The following SIGLEC15 variants were observed in gnomAD, a reference collection of about 807,000 sequenced individuals.
SIGLEC15 encodes sialic acid-binding Ig-like lectin 15.
SIGLEC15 carries 31 observed loss-of-function variants against 26.2 expected under a neutral mutation model. The ratio of observed to expected loss-of-function variants is 1.18; its 90% CI spans 0.89 to 1.60. The LOEUF (loss-of-function observed/expected upper bound fraction) is 1.60, where lower values mean the gene tolerates loss of function less well. Among genes scored for constraint, SIGLEC15 ranks in the 40% most tolerant of loss-of-function variants. The pLI is 0.00. For synonymous variants in SIGLEC15, 207 were observed against 221.9 expected (o/e 0.93, Z 0.60); for missense variants, 501 against 488.4 (o/e 1.03, Z -0.24).
intron 1 of SIGLEC15, among the ~76,000 whole-genome samples, chr18:45,826,781 T>G (rs1241590044): frequency 6.6e-6 from 1 of 152,218 alleles, no homozygotes; most frequent in Non-Finnish European, 1.5e-5. Flanking sequence ...CCATCTGGCG[T>G]GTACTCAGAC....
chr18:45,833,706 T>C (rs1034812006), intron 1 of SIGLEC15, among the ~76,000 whole-genome samples: 1 of 152,350 alleles, frequency 6.6e-6, no homozygotes, highest in Non-Finnish European at 1.5e-5. Flanking sequence ...AAAAAGAGTT[T>C]ACTGCTGTCA....
In SIGLEC15 at chr18:45,842,088, A is replaced by G; in HGVS notation, c.906-18A>G. 1.9e-6 allele frequency: 3 copies of G among 1,613,490 alleles called. 1 individual carries two copies. The highest frequency in any genetic ancestry group is 3.3e-4 in the Middle Eastern group (2 of 6,018). On this transcript the variant is annotated intron_variant, in intron 5 of 5. Transcript: ENST00000389474. The stretch of plus-strand genomic sequence containing the variant: ...TCCCACCTGTTTGGATGATCATTCA[A>G]CTTTCTCCTGTCCACAGGTCCCAGG...
chr18:45,825,907 G>C (rs1043606987), intron 1 of SIGLEC15, 127 bp downstream of exon 1: 1 of 1,123,832 alleles, frequency 8.9e-7, no homozygotes, highest in African/African-American at 1.5e-5. Flanking sequence ...GGAGGAGGAA[G>C]AGCTGCGCTT....
intron 1 of SIGLEC15, among the ~76,000 whole-genome samples, chr18:45,836,202 T>C (rs2048274953): frequency 6.6e-6 from 1 of 152,148 alleles, no homozygotes; most frequent in Admixed American, 6.5e-5. Context: ...AGAAAAGTCA[T>C]ATTTCTCCCA....
intron 4 of SIGLEC15, among the ~76,000 whole-genome samples, chr18:45,839,779 CTG>C (rs2048309247): frequency 6.6e-6 from 1 of 152,222 alleles, no homozygotes; most frequent in African/African-American, 2.4e-5. Context: ...GCCACTCCTG[CTG>C]TCTCTGATCT....
At chr18:45,828,132 C>G (rs1381303145) in intron 1 of SIGLEC15, among the ~76,000 whole-genome samples, 1 of 152,152 alleles carries the variant, frequency 6.6e-6, no homozygotes, top group Non-Finnish European at 1.5e-5. Flanking sequence ...GCAGGAGGCC[C>G]GAGGAGCAGG....
chr18:45,830,583 C>CTTTTTTTTTTTTTTTTT (rs56404391), intron 1 of SIGLEC15, among the ~76,000 whole-genome samples: 2 of 96,702 alleles, frequency 2.1e-5, no homozygotes, highest in East Asian at 3.6e-4. Context: ...ATTTTTCTTT[C>CTTTTTTTTTTTTTTTTT]TTTTTTTTTT....
intron 1 of SIGLEC15, among the ~76,000 whole-genome samples, chr18:45,828,038 C>T (rs1022853443): frequency 4.6e-5 from 7 of 152,210 alleles, no homozygotes; most frequent in African/African-American, 1.4e-4. Context: ...TCCAGGCCCC[C>T]ACTTCCTGAC....
rs1403825028 is a variant in SIGLEC15, at chr18:45,837,906, C to T, written c.496+10C>T. The T allele has an allele frequency of 2.0e-6, 3 of 1,490,822 alleles. No homozygotes were observed. Among genetic ancestry groups the T allele is most frequent in the East Asian group, 5.6e-5 (2 of 35,476 alleles). 92.3% of individuals were successfully genotyped at this position (1,490,822 alleles called of 1,614,324 possible). A position where few individuals can be genotyped will look rare whatever the true frequency, so the allele number is the denominator to read the frequency against. ...CGGCTGCACGTGACAGGCGAGGCGG[C>T]GTGGGAGCGGGTCCCCGGCCTCCCT... On this transcript the variant is annotated intron_variant, in intron 3 of 5. Transcript: ENST00000389474.
At position 45,839,026 on chromosome 18, in the gene SIGLEC15, G is replaced by C. The variant is rs775631888; in HGVS notation, c.805G>C (p.Gly269Arg). 2.5e-6 allele frequency: 4 copies of C among 1,575,468 alleles called. No individual in the cohort carries two copies. Among genetic ancestry groups the C allele is most frequent in the South Asian group, 1.1e-5 (1 of 87,542 alleles). Residue 269 changes from glycine to arginine, a missense_variant, in exon 4 of 6, where the codon GGC becomes CGC. Coordinates refer to ENST00000389474, the MANE Select transcript of SIGLEC15 (RefSeq NM_213602.3). The stretch of plus-strand genomic sequence containing the variant: ...GGCCTCGACGGTCGCCCTCCTGCTC[G>C]GCGCTCTCGGCTTCAAGGCGCTGCT... ...SGASTVALLL[G>R]ALGFKALLLL... is the part of the protein sequence containing the mutation.
intron 1 of SIGLEC15, 51 bp downstream of exon 1, chr18:45,825,831 G>T: frequency 6.3e-7 from 1 of 1,593,878 alleles, no homozygotes; most frequent in African/African-American, 1.3e-5. Flanking sequence ...AATAGATGCT[G>T]AAAGCATCTT....
In SIGLEC15 at chr18:45,839,106, C is replaced by G; in HGVS notation, c.874+11C>G. 7 of 1,378,896 alleles carry G rather than the reference C, an allele frequency of 5.1e-6. No individual in the cohort carries two copies. The highest frequency in any genetic ancestry group is 5.6e-6 in the Non-Finnish European group (6 of 1,077,364). The allele number at this position is 1,378,896 out of a possible 1,614,324, so 85.4% of individuals were successfully genotyped here. ...CCCGCCGCCGCCCAGGTGGGTGCGC[C>G]CCAGACACGGGTGGCCGCGAGGGGC... On this transcript the variant is annotated intron_variant, in intron 4 of 5. Coordinates refer to ENST00000389474, the MANE Select transcript of SIGLEC15 (RefSeq NM_213602.3).
intron 2 of SIGLEC15, 148 bp from the exon 3 acceptor site, chr18:45,837,365 C>G: frequency 8.0e-7 from 1 of 1,257,550 alleles, no homozygotes; most frequent in Non-Finnish European, 1.0e-6. Context: ...GTTCCGGCTC[C>G]CCTGGAAGTG....
intron 5 of SIGLEC15, among the ~76,000 whole-genome samples, chr18:45,841,268 G>A (rs2048322579): frequency 6.6e-6 from 1 of 152,054 alleles, no homozygotes; most frequent in Non-Finnish European, 1.5e-5. Flanking sequence ...TAGGAGCGGT[G>A]GAGTTCCAGA....
chr18:45,833,743 T>C (rs1289015297), intron 1 of SIGLEC15, among the ~76,000 whole-genome samples: 2 of 152,198 alleles, frequency 1.3e-5, no homozygotes, highest in African/African-American at 4.8e-5. Flanking sequence ...TGTTAGTTCA[T>C]AAACTAAAAT....
At position 45,837,075 on chromosome 18, in the gene SIGLEC15, C is replaced by G; in HGVS notation, c.99C>G (p.Asn33Lys). 6.2e-7 allele frequency: 1 copy of G among 1,609,132 alleles called. No individual in the cohort carries two copies. The highest frequency in any genetic ancestry group is 2.2e-5 in the East Asian group (1 of 44,870). The part of the protein sequence containing the change: ...TKIDTTENLL[N>K]TEVHSSPAQR... ...TAGATACTACGGAGAACTTGCTCAA[C>G]ACAGAGGTGCACAGTAAGTGCTTTT... The change falls in exon 2 of 6, where the codon AAC becomes AAG. Residue 33 changes from asparagine to lysine, a missense_variant. Coordinates refer to ENST00000389474, the MANE Select transcript of SIGLEC15 (RefSeq NM_213602.3).
At chr18:45,840,271 C>G in intron 5 of SIGLEC15, 30 bp downstream of exon 5, 2 of 1,605,700 alleles carry the variant, frequency 1.2e-6, no homozygotes, top group Middle Eastern at 1.7e-4. Context: ...CCACCCTACC[C>G]TACCCCACCC....
At position 45,842,153 on chromosome 18, in the gene SIGLEC15, C is replaced by G. The variant is rs1391184755; in HGVS notation, c.953C>G (p.Pro318Arg). 6.2e-7 allele frequency: 1 copy of G among 1,614,168 alleles called. No individual in the cohort carries two copies. The highest frequency in any genetic ancestry group is 1.7e-5 in the Admixed American group (1 of 60,022). Residue 318 changes from proline to arginine, a missense_variant, in exon 6 of 6, where the codon CCC becomes CGC. By Grantham distance (103) the Pro-to-Arg change is moderately radical (BLOSUM62 -2). Transcript: ENST00000389474. ...TATGAAAATTTGAGCCAGATGAACCCCCGGAGCCCACCAGCCACCATGTGC... is the reference window on the plus strand; with the variant it reads ...TATGAAAATTTGAGCCAGATGAACCGCCGGAGCCCACCAGCCACCATGTGC... The part of the protein sequence containing the change: ...SNYENLSQMN[P>R]RSPPATMCSP
intron 3 of SIGLEC15, 146 bp downstream of exon 3, chr18:45,838,042 C>G: frequency 9.0e-7 from 1 of 1,108,236 alleles, no homozygotes; most frequent in Non-Finnish European, 1.2e-6. Flanking sequence ...GGATCTCACA[C>G]CTGGGGGTAG....
Sources: gnomAD v4.1 joint callset for allele counts (sites outside exome capture counted in the v4.1 genomes callset) on GRCh38, gnomAD v4.1.1 for gene constraint, MANE v1.5 for transcripts, NCBI Gene and HGNC (gene_info 2026-07-23, HGNC 2026-07-21) for gene names.